The following MAF variants were observed in gnomAD, a reference collection of about 807,000 sequenced individuals.
MAF encodes the protein transcription factor Maf.
In MAF, 10 loss-of-function variants were observed where a neutral mutation model predicts 22.0. The ratio of observed to expected loss-of-function variants is 0.45; its 90% CI spans 0.28 to 0.77. The LOEUF (loss-of-function observed/expected upper bound fraction) is 0.77, where lower values mean the gene tolerates loss of function less well. Among genes scored for constraint, MAF ranks in the 30% least tolerant of loss-of-function variants. MAF has a pLI of 0.12. For missense variants in MAF, 544 were observed against 548.4 expected (o/e 0.99, Z 0.08); for synonymous variants, 337 against 255.8 (o/e 1.32, Z -3.03).
chr16:79,224,887 T>C, the MAF span, among the ~76,000 whole-genome samples: 1 of 152,146 alleles, frequency 6.6e-6, no homozygotes, highest in Non-Finnish European at 1.5e-5. Context: ...GGATAAACAT[T>C]GCATGCTCAT....
the MAF span, among the ~76,000 whole-genome samples, chr16:79,435,177 C>A: frequency 6.6e-6 from 1 of 152,148 alleles, no homozygotes; most frequent in East Asian, 1.9e-4. Flanking sequence ...CACGGACACA[C>A]GTCCATATAT....
At chr16:79,219,323 A>G in the MAF span, among the ~76,000 whole-genome samples, 1 of 152,016 alleles carries the variant, frequency 6.6e-6, no homozygotes, top group African/African-American at 2.4e-5. Flanking sequence ...ATAAAGCACC[A>G]TTTCCCGAGT....
chr16:79,379,609 C>G, the MAF span, among the ~76,000 whole-genome samples: 123 of 152,244 alleles, frequency 8.1e-4, no homozygotes, highest in African/African-American at 2.9e-3. Flanking sequence ...TACATTTGCT[C>G]TGGCTTTAGT....
chr16:79,381,607 G>A, the MAF span, among the ~76,000 whole-genome samples: 3 of 152,242 alleles, frequency 2.0e-5, no homozygotes, highest in South Asian at 6.2e-4. Flanking sequence ...TGGGAGAGTC[G>A]GGCAGGTTTT....
chr16:79,518,700 T>C, the MAF span, among the ~76,000 whole-genome samples: 8 of 152,310 alleles, frequency 5.3e-5, no homozygotes, highest in East Asian at 7.7e-4. Context: ...GCCTGGCATA[T>C]AATAAGTGCT....
the MAF span, chr16:79,264,409 A>C: frequency 6.6e-6 from 1 of 152,356 alleles, no homozygotes; most frequent in Non-Finnish European, 1.5e-5. Context: ...GTCATCAGTT[A>C]GGTTAAATAA....
the MAF span, among the ~76,000 whole-genome samples, chr16:79,446,102 C>T: frequency 6.6e-6 from 1 of 152,042 alleles, no homozygotes; most frequent in Non-Finnish European, 1.5e-5. Flanking sequence ...AAAGCAGGGA[C>T]GGGCAGAGGG....
the MAF span, among the ~76,000 whole-genome samples, chr16:79,472,683 A>G: frequency 6.6e-6 from 1 of 152,262 alleles, no homozygotes; most frequent in South Asian, 2.1e-4. Context: ...GAAATGTTCT[A>G]AAATTAGAGT....
chr16:79,273,148 G>A, the MAF span, among the ~76,000 whole-genome samples: 1 of 152,126 alleles, frequency 6.6e-6, no homozygotes, highest in Non-Finnish European at 1.5e-5. Flanking sequence ...CAGACCTTCA[G>A]GGAATCCCCC....
chr16:79,343,829 AC>A, the MAF span, among the ~76,000 whole-genome samples: 19 of 152,006 alleles, frequency 1.2e-4, no homozygotes, highest in Admixed American at 1.0e-3. Flanking sequence ...TGGTCTTCCT[AC>A]CCCCCACGGT....
chr16:79,207,492 C>T, the MAF span, among the ~76,000 whole-genome samples: 1 of 152,218 alleles, frequency 6.6e-6, no homozygotes, highest in African/African-American at 2.4e-5. Flanking sequence ...CATAACTCTA[C>T]TTTTTGCATA....
chr16:79,508,246 G>A, the MAF span, among the ~76,000 whole-genome samples: 3 of 152,222 alleles, frequency 2.0e-5, no homozygotes, highest in Non-Finnish European at 4.4e-5. Flanking sequence ...GCCGCGTGGT[G>A]TCTGGATTGG....
the MAF span, among the ~76,000 whole-genome samples, chr16:79,286,029 A>C: frequency 1.3e-5 from 2 of 152,186 alleles, no homozygotes; most frequent in African/African-American, 4.8e-5. Context: ...TGGCTACTTC[A>C]GTTTACAGAG....
At chr16:79,556,197 C>T in the MAF span, among the ~76,000 whole-genome samples, 1 of 152,232 alleles carries the variant, frequency 6.6e-6, no homozygotes, top group Non-Finnish European at 1.5e-5. Flanking sequence ...ATACCACTGT[C>T]TCTAAGCTTA....
the MAF span, among the ~76,000 whole-genome samples, chr16:79,381,227 T>C: frequency 6.6e-6 from 1 of 152,370 alleles, no homozygotes; most frequent in East Asian, 1.9e-4. Context: ...GTATCTCTCT[T>C]CTTACCAAAC....
the MAF span, among the ~76,000 whole-genome samples, chr16:79,251,563 C>T: frequency 1.3e-5 from 2 of 151,420 alleles, no homozygotes; most frequent in African/African-American, 4.8e-5. Flanking sequence ...GTGATCCATT[C>T]GCCTCGGCCT....
chr16:79,507,173 G>T, the MAF span, among the ~76,000 whole-genome samples: 545 of 151,220 alleles, frequency 3.6e-3, 2 homozygotes, highest in African/African-American at 0.012. Context: ...GAGTGCAGGG[G>T]CGTGATCTCG....
chr16:79,230,189 G>A, the MAF span, among the ~76,000 whole-genome samples: 1 of 152,098 alleles, frequency 6.6e-6, no homozygotes, highest in African/African-American at 2.4e-5. Context: ...TTCTGGAGTT[G>A]AATTGCACAG....
At chr16:79,584,032 T>C (rs1912690285), downstream of MAF, among the ~76,000 whole-genome samples, 1 of 152,176 alleles carries the variant, frequency 6.6e-6, no homozygotes, top group Admixed American at 6.5e-5. Flanking sequence ...GAGATTTTAA[T>C]CTTTTTGAGA....
Sources: gnomAD v4.1 joint callset for allele counts (sites outside exome capture counted in the v4.1 genomes callset) on GRCh38, gnomAD v4.1.1 for gene constraint, MANE v1.5 for transcripts, NCBI Gene and HGNC (gene_info 2026-07-23, HGNC 2026-07-21) for gene names.